The following LLPH variants were observed in gnomAD, a reference collection of about 807,000 sequenced individuals.
LLPH encodes LLP homolog, long-term synaptic facilitation factor.
In LLPH, 5 loss-of-function variants were observed where a neutral mutation model predicts 13.3. The ratio of observed to expected loss-of-function variants is 0.38; its 90% CI spans 0.20 to 0.79. LLPH has a LOEUF of 0.79. Among genes scored for constraint, LLPH ranks in the 30% least tolerant of loss-of-function variants. The pLI is 0.45. For synonymous variants in LLPH, 32 were observed against 44.2 expected, an observed-to-expected ratio of 0.72 and a Z score of 1.09; for missense variants, 129 against 152.1, an observed-to-expected ratio of 0.85 and a Z score of 0.80.
rs899324521 is a variant in LLPH, at chr12:66,121,757, A to C, written c.*2083T>G. 6.6e-6 allele frequency: 1 copy of C among 151,176 alleles called. No individual in the cohort carries two copies. The highest frequency in any genetic ancestry group is 1.5e-5 in the Non-Finnish European group (1 of 67,878). 9.4% of individuals were successfully genotyped at this position (151,176 alleles called of 1,614,324 possible). A position where few individuals can be genotyped will look rare whatever the true frequency, so the allele number is the denominator to read the frequency against. ...AAATTAGCTGGGCGTGGTGGCACCCACCTGTAGTCCCAGCTACTGGGGAGG... is the reference window on the plus strand; with the variant it reads ...AAATTAGCTGGGCGTGGTGGCACCCCCCTGTAGTCCCAGCTACTGGGGAGG... On this transcript the variant is annotated 3_prime_UTR_variant, in exon 3 of 3. Transcript: ENST00000266604.
At chr12:66,124,884 C>T (rs186207816) in intron 2 of LLPH, among the ~76,000 whole-genome samples, 1 of 152,214 alleles carries the variant, frequency 6.6e-6, no homozygotes, top group Admixed American at 6.5e-5. Flanking sequence ...GGGAGAATAA[C>T]ACAGCAAACA....
rs1349487739 is a variant in LLPH at position 66,120,280 on chromosome 12, T to C, written c.*3560A>G. 1 of 152,252 alleles carries C rather than the reference T, an allele frequency of 6.6e-6. No individual in the cohort carries two copies. Among genetic ancestry groups the C allele is most frequent in the Non-Finnish European group, 1.5e-5 (1 of 68,056 alleles). 9.4% of individuals were successfully genotyped at this position (152,252 alleles called of 1,614,324 possible). On this transcript the variant is annotated 3_prime_UTR_variant, in exon 3 of 3. Transcript: ENST00000266604. ...AATCTATCACAGGTTGACCCAAAAA[T>C]AGGTATTCTATCCTAAAATCACCTT...
rs752884921 is a variant in LLPH at position 66,128,998 on chromosome 12, C to T, written c.109G>A (p.Gly37Ser). The change falls in exon 2 of 3, where the codon GGT (glycine) becomes AGT (serine). Residue 37 changes from glycine (G) to serine (S), a missense_variant. Coordinates refer to ENST00000266604, the MANE Select transcript of LLPH (RefSeq NM_032338.4). Reference protein sequence around the residue: ...SRLKSILKLDGDVLMKDVQEI... With the variant: ...SRLKSILKLDSDVLMKDVQEI... ...TGAACATCTTTCATTAAAACATCAC[C>T]GTCTAGTTTGAGAATACTTTTAAGC... is the stretch of plus-strand genomic sequence containing the variant. 23 of 1,612,190 alleles carry T rather than the reference C, an allele frequency of 1.4e-5. No homozygotes were observed. The South Asian group carries it at 2.1e-4, about 15-fold the overall frequency.
At position 66,117,161 on chromosome 12, in the gene LLPH, T is replaced by C. The variant is rs1565775288; in HGVS notation, c.*6679A>G. 6.6e-6 allele frequency: 1 copy of C among 152,194 alleles called. No individual in the cohort carries two copies. The highest frequency in any genetic ancestry group is 2.1e-4 in the South Asian group (1 of 4,834). The allele number at this position is 152,194 out of a possible 1,614,324, so 9.4% of individuals were successfully genotyped here. On this transcript the variant is annotated 3_prime_UTR_variant, in exon 3 of 3. Transcript: ENST00000266604. ...GTTGGCCCTCTGTATCTATGAATTCTGCATTTGGGGCTTCGTCCTGAGATA... is the reference window on the plus strand; with the variant it reads ...GTTGGCCCTCTGTATCTATGAATTCCGCATTTGGGGCTTCGTCCTGAGATA...
rs1490766897 is a variant in LLPH, at chr12:66,119,633, C to T, written c.*4207G>A. 6.6e-6 allele frequency: 1 copy of T among 152,226 alleles called. No homozygotes were observed. The highest frequency in any genetic ancestry group is 1.5e-5 in the Non-Finnish European group (1 of 68,040). The allele number at this position is 152,226 out of a possible 1,614,324, so 9.4% of individuals were successfully genotyped here. A position where few individuals can be genotyped will look rare whatever the true frequency, so the allele number is the denominator to read the frequency against. Reference sequence around the variant, plus strand: ...AAATTTGAATCACTCTGCCAGATGGCATCAGAAGTTAGTCACTTAACTAGT... The same window carrying T: ...AAATTTGAATCACTCTGCCAGATGGTATCAGAAGTTAGTCACTTAACTAGT... On this transcript the variant is annotated 3_prime_UTR_variant, in exon 3 of 3. Coordinates refer to ENST00000266604, the MANE Select transcript of LLPH (RefSeq NM_032338.4).
chr12:66,124,199 T>C (rs1565776977), intron 2 of LLPH, among the ~76,000 whole-genome samples, 181 bp from the exon 3 acceptor site: 1 of 152,216 alleles, frequency 6.6e-6, no homozygotes, highest in Non-Finnish European at 1.5e-5. Flanking sequence ...TAATGTTAAA[T>C]AGGAAACATT....
rs754337194 is a variant in LLPH, at chr12:66,128,906, T to G, written c.201A>C (p.Lys67Asn). 7.5e-6 allele frequency: 12 copies of G among 1,609,856 alleles called. No homozygotes were observed. The highest frequency in any genetic ancestry group is 1.0e-5 in the Non-Finnish European group (12 of 1,177,140). Residue 67 changes from lysine to asparagine, a missense_variant, in exon 2 of 3, where the codon AAA becomes AAC. By Grantham distance (94) the Lys-to-Asn change is moderately conservative. Coordinates refer to ENST00000266604, the MANE Select transcript of LLPH (RefSeq NM_032338.4). ...HCQEKMQCEV[K>N]DEKDDMKMET... is the part of the protein sequence containing the mutation. ...GAGAAGCACACTCACCTTTTTCATC[T>G]TTTACCTCACATTGCATTTTCTCTT... is the stretch of plus-strand genomic sequence containing the variant.
chr12:66,125,284 A>C (rs1350033748), intron 2 of LLPH, among the ~76,000 whole-genome samples: 1 of 152,224 alleles, frequency 6.6e-6, no homozygotes, highest in Non-Finnish European at 1.5e-5. Context: ...TCAAGGTGAA[A>C]GCAGGAAAAA....
rs968103042 is a variant in LLPH, at chr12:66,117,072, T to C, written c.*6768A>G. The C allele has an allele frequency of 6.6e-6, 1 of 152,182 alleles. No homozygotes were observed. The highest frequency in any genetic ancestry group is 2.4e-5 in the African/African-American group (1 of 41,454). The allele number at this position is 152,182 out of a possible 1,614,324, so 9.4% of individuals were successfully genotyped here. A position where few individuals can be genotyped will look rare whatever the true frequency, so the allele number is the denominator to read the frequency against. On this transcript the variant is annotated 3_prime_UTR_variant, in exon 3 of 3. Coordinates refer to ENST00000266604, the MANE Select transcript of LLPH (RefSeq NM_032338.4). ...GATACATTTCAAACATGACAATTTATTACGAGGCATTTTTTTTTGGCTGAA... is the reference window on the plus strand; with the variant it reads ...GATACATTTCAAACATGACAATTTACTACGAGGCATTTTTTTTTGGCTGAA...
In LLPH at chr12:66,123,815, T is replaced by C. The variant is rs1054375611; in HGVS notation, c.*25A>G. 3.7e-6 allele frequency: 6 copies of C among 1,609,672 alleles called. No individual in the cohort carries two copies. The East Asian group carries it at 1.3e-4, about 36-fold the overall frequency. On this transcript the variant is annotated 3_prime_UTR_variant, in exon 3 of 3. Transcript: ENST00000266604. ...ATTCTAATCCGTCATCTATCCCATG[T>C]GGCATTTTCCAAGGTTTTAAGAGTC...
chr12:66,126,095 C>T (rs2051494477), intron 2 of LLPH, among the ~76,000 whole-genome samples: 3 of 151,920 alleles, frequency 2.0e-5, no homozygotes, highest in South Asian at 4.1e-4. Flanking sequence ...GAGGCCGAGG[C>T]GGGTGGATCA....
chr12:66,125,415 C>T (rs2051489889), intron 2 of LLPH, among the ~76,000 whole-genome samples: 1 of 152,110 alleles, frequency 6.6e-6, no homozygotes. Context: ...CTTAAGAAAT[C>T]AGGCAGGCAG....
rs2051442879 is a variant in LLPH, at chr12:66,118,458, G to A, written c.*5382C>T. On this transcript the variant is annotated 3_prime_UTR_variant, in exon 3 of 3. Coordinates refer to ENST00000266604, the MANE Select transcript of LLPH (RefSeq NM_032338.4). Reference sequence around the variant, plus strand: ...ACTCATTGACTCACCCCAAGCACGAGTCCTCCAAGCACTATTCATAAGTGG... The same window carrying A: ...ACTCATTGACTCACCCCAAGCACGAATCCTCCAAGCACTATTCATAAGTGG... The A allele has an allele frequency of 6.6e-6, 1 of 151,636 alleles. No individual in the cohort carries two copies. Among genetic ancestry groups the A allele is most frequent in the Admixed American group, 6.6e-5 (1 of 15,216 alleles). 9.4% of individuals were successfully genotyped at this position (151,636 alleles called of 1,614,324 possible). A position where few individuals can be genotyped will look rare whatever the true frequency, so the allele number is the denominator to read the frequency against.
intron 2 of LLPH, among the ~76,000 whole-genome samples, chr12:66,127,705 T>C (rs1406147884): frequency 6.6e-6 from 1 of 152,154 alleles, no homozygotes; most frequent in Non-Finnish European, 1.5e-5. Flanking sequence ...TAGGGAGGGG[T>C]GATGTGTGTG....
chr12:66,124,254 C>T (rs2051482748), intron 2 of LLPH, among the ~76,000 whole-genome samples: 1 of 152,252 alleles, frequency 6.6e-6, no homozygotes, highest in South Asian at 2.1e-4. Flanking sequence ...ATATATGGTT[C>T]TGAGCACATG....
intron 1 of LLPH, among the ~76,000 whole-genome samples, chr12:66,130,198 G>A (rs765414065): frequency 6.6e-6 from 1 of 152,042 alleles, no homozygotes; most frequent in East Asian, 1.9e-4. Flanking sequence ...TCTGACCTCC[G>A]TAAGCTCCCT....
In LLPH at chr12:66,123,938, T is replaced by C. The variant is rs763653722; in HGVS notation, c.292A>G (p.Asn98Asp). The change falls in exon 3 of 3, where the codon AAC becomes GAC. Residue 98 changes from asparagine to aspartate, a missense_variant. By Grantham distance (23) the Asn-to-Asp change is conservative. Coordinates refer to ENST00000266604, the MANE Select transcript of LLPH (RefSeq NM_032338.4). The stretch of plus-strand genomic sequence containing the variant: ...TTCAGCCTTTTTCTTTGCCTTTGGT[T>C]CATCCATATTGGGTACTGTCCATGC... ...DQHGQYPIWM[N>D]QRQRKRLKAK... is the part of the protein sequence containing the mutation. 2 of 1,612,960 alleles carry C rather than the reference T, an allele frequency of 1.2e-6. No individual in the cohort carries two copies. The highest frequency in any genetic ancestry group is 2.2e-5 in the South Asian group (2 of 91,046).
chr12:66,127,862 T>C (rs556950982), intron 2 of LLPH, among the ~76,000 whole-genome samples: 1 of 152,348 alleles, frequency 6.6e-6, no homozygotes, highest in East Asian at 1.9e-4. Context: ...AACACATCTA[T>C]GCTGTTGGCA....
rs1396497299 is a variant in LLPH, at chr12:66,123,781, T to C, written c.*59A>G. ...GTGGCAGTTGAAATCAAAGTATACATGTGTATACATTCTAATCCGTCATCT... is the reference window on the plus strand; with the variant it reads ...GTGGCAGTTGAAATCAAAGTATACACGTGTATACATTCTAATCCGTCATCT... On this transcript the variant is annotated 3_prime_UTR_variant, in exon 3 of 3. Coordinates refer to ENST00000266604, the MANE Select transcript of LLPH (RefSeq NM_032338.4). 7 of 1,576,010 alleles carry C rather than the reference T, an allele frequency of 4.4e-6. No individual in the cohort carries two copies. Among genetic ancestry groups the C allele is most frequent in the South Asian group, 1.1e-5 (1 of 87,354 alleles).
Sources: allele counts gnomAD v4.1 joint callset (sites outside exome capture counted in the v4.1 genomes callset), GRCh38; gene constraint gnomAD v4.1.1; transcripts MANE v1.5; gene names NCBI Gene and HGNC (gene_info 2026-07-23, HGNC 2026-07-21).